CENPW: variants seen among roughly 807,000 people sequenced by gnomAD.
CENPW encodes centromere protein W, also known as cancer-up-regulated gene 2 protein.
Under a neutral mutation model 11.1 loss-of-function variants are expected in CENPW, and 3 were observed. The observed-to-expected ratio is 0.27, with a 90% CI of 0.12 to 0.70. The LOEUF is 0.70. CENPW is among the 30% of genes least tolerant of loss of function. The probability of loss-of-function intolerance (pLI) is 0.77; values close to 1 mark genes in which losing one functional copy is unlikely to be tolerated. For synonymous variants in CENPW, 38 were observed against 42.0 expected (o/e 0.91, Z 0.37); for missense variants, 100 against 105.6 (o/e 0.95, Z 0.23).
At chr6:126,352,911 C>T (rs1425420025), downstream of CENPW, among the ~76,000 whole-genome samples, 1 of 151,962 alleles carries the variant, frequency 6.6e-6, no homozygotes, top group Non-Finnish European at 1.5e-5. Flanking sequence ...TCTAGTTATA[C>T]ATTCTTATAC....
the CENPW span, among the ~76,000 whole-genome samples, chr6:126,463,368 G>A: frequency 2.6e-5 from 4 of 152,080 alleles, no homozygotes; most frequent in East Asian, 5.8e-4. Context: ...AATGAGATAA[G>A]CCATCTCCTT....
the CENPW span, among the ~76,000 whole-genome samples, chr6:126,374,981 A>G: frequency 1.3e-5 from 2 of 152,234 alleles, no homozygotes; most frequent in Admixed American, 6.5e-5. Context: ...ATCTATAGAA[A>G]CAAGCATTCT....
chr6:126,452,507 T>C, the CENPW span, among the ~76,000 whole-genome samples: 1 of 150,928 alleles, frequency 6.6e-6, no homozygotes, highest in Admixed American at 6.6e-5. Context: ...TCTCACTGAA[T>C]GGGGTCAAGA....
chr6:126,340,545 A>G, intron 1 of CENPW, 146 bp downstream of exon 1: 1 of 1,137,220 alleles, frequency 8.8e-7, no homozygotes, highest in Non-Finnish European at 1.3e-6. Context: ...CAGGGAACGT[A>G]TGCCCCACCC....
chr6:126,474,372 G>T, the CENPW span, among the ~76,000 whole-genome samples: 1 of 152,022 alleles, frequency 6.6e-6, no homozygotes, highest in African/African-American at 2.4e-5. Flanking sequence ...AACCTTGTGG[G>T]TTTAAAGGGT....
chr6:126,459,186 A>G, the CENPW span, among the ~76,000 whole-genome samples: 2 of 151,386 alleles, frequency 1.3e-5, no homozygotes, highest in Non-Finnish European at 3.0e-5. Context: ...CTTCTCTGTG[A>G]CCTGCTATTC....
At chr6:126,350,289 A>G (rs1780475735), downstream of CENPW, among the ~76,000 whole-genome samples, 1 of 152,188 alleles carries the variant, frequency 6.6e-6, no homozygotes, top group Admixed American at 6.5e-5. Context: ...TATAGATAAC[A>G]TAAATTTTTT....
chr6:126,366,616 CGT>C, the CENPW span, among the ~76,000 whole-genome samples: 1 of 152,104 alleles, frequency 6.6e-6, no homozygotes, highest in Admixed American at 6.6e-5. Context: ...TACTCAATCT[CGT>C]TAGGCATGTT....
At chr6:126,388,344 AG>A in the CENPW span, among the ~76,000 whole-genome samples, 1 of 152,086 alleles carries the variant, frequency 6.6e-6, no homozygotes, top group African/African-American at 2.4e-5. Flanking sequence ...TGTACAGGGC[AG>A]GGGGAAAAAG....
chr6:126,383,959 G>A, the CENPW span, among the ~76,000 whole-genome samples: 46 of 152,094 alleles, frequency 3.0e-4, no homozygotes, highest in Admixed American at 1.3e-4. Flanking sequence ...TTCTTCTCTG[G>A]TGCACATGAA....
At chr6:126,446,506 A>G in the CENPW span, among the ~76,000 whole-genome samples, 2 of 151,108 alleles carry the variant, frequency 1.3e-5, no homozygotes, top group African/African-American at 4.8e-5. Flanking sequence ...CAAACCAGAA[A>G]TCCTTTTAAA....
the CENPW span, among the ~76,000 whole-genome samples, chr6:126,433,577 T>C: frequency 8.4e-3 from 1,279 of 152,262 alleles, 15 homozygotes; most frequent in African/African-American, 0.03. Context: ...GAGTGGAGAA[T>C]ATGTTCAGCA....
At chr6:126,374,036 T>A in the CENPW span, among the ~76,000 whole-genome samples, 1 of 152,148 alleles carries the variant, frequency 6.6e-6, no homozygotes, top group African/African-American at 2.4e-5. Context: ...CTCCAAAGAT[T>A]AGCTAAGACT....
In CENPW at chr6:126,343,713, C is replaced by G. The variant is rs144969218; in HGVS notation, c.127-2492C>G. Among the ~76,000 whole-genome samples the G allele has an allele frequency of 6.9e-3, 1,055 of 152,336 alleles. 12 individuals are homozygous for G. The highest frequency in any genetic ancestry group is 0.024 in the African/African-American group (1,012 of 41,580). ...ATCCAGCACGGGAGAGAGATGAAGG[C>G]TGGAAGACTCAGCAAGTCAAGTACT... On this transcript the variant is annotated intron_variant, in intron 1 of 2. Coordinates refer to ENST00000368328, the MANE Select transcript of CENPW (RefSeq NM_001012507.4).
the CENPW span, among the ~76,000 whole-genome samples, chr6:126,447,994 T>C: frequency 6.6e-6 from 1 of 151,272 alleles, no homozygotes; most frequent in South Asian, 2.1e-4. Context: ...CAGCCCCCTA[T>C]AGCCAGGTGA....
intron 1 of CENPW, among the ~76,000 whole-genome samples, chr6:126,345,987 G>C (rs1478299634): frequency 1.3e-5 from 2 of 152,142 alleles, no homozygotes; most frequent in Non-Finnish European, 2.9e-5. Flanking sequence ...GCCTTGCATA[G>C]CTTGTTTTAT....
At chr6:126,393,506 T>C in the CENPW span, among the ~76,000 whole-genome samples, 1 of 151,624 alleles carries the variant, frequency 6.6e-6, no homozygotes, top group Admixed American at 6.6e-5. Context: ...TTCAATAAAT[T>C]TTTCTATTTC....
At chr6:126,345,155 G>A (rs767842184) in intron 1 of CENPW, among the ~76,000 whole-genome samples, 23 of 151,828 alleles carry the variant, frequency 1.5e-4, no homozygotes, top group Non-Finnish European at 2.8e-4. Flanking sequence ...TTTTTCCAAG[G>A]AATGTTCTTG....
At chr6:126,415,014 T>C in the CENPW span, among the ~76,000 whole-genome samples, 23 of 152,188 alleles carry the variant, frequency 1.5e-4, 1 homozygote, top group East Asian at 4.1e-3. Context: ...AATCCCTGGA[T>C]ATATACAACC....
Sources: allele counts gnomAD v4.1 joint callset (sites outside exome capture counted in the v4.1 genomes callset), GRCh38; gene constraint gnomAD v4.1.1; transcripts MANE v1.5; gene names NCBI Gene and HGNC (gene_info 2026-07-23, HGNC 2026-07-21).